The following NPIPB2 variants were observed in gnomAD, a reference collection of about 807,000 sequenced individuals.
NPIPB2 encodes the protein nuclear pore complex interacting protein family member B2, also known as nuclear pore complex-interacting protein family member B2.
A neutral mutation model predicts 30.8 loss-of-function variants in NPIPB2; 27 were observed. The ratio of observed to expected loss-of-function variants is 0.88; its 90% CI spans 0.65 to 1.21. The LOEUF (loss-of-function observed/expected upper bound fraction) is 1.21. NPIPB2 is among the 50% of genes most tolerant of loss of function. NPIPB2 has a pLI of 0.00. For missense variants in NPIPB2, 440 were observed against 446.2 expected (o/e 0.99, Z 0.13); for synonymous variants, 147 against 162.0 (o/e 0.91, Z 0.70).
chr16:11,975,888 C>T (rs1197702903), intron 1 of NPIPB2, among the ~76,000 whole-genome samples: 2 of 151,968 alleles, frequency 1.3e-5, no homozygotes, highest in Non-Finnish European at 2.9e-5. Context: ...GTCACCGCGT[C>T]CGGCCTAGGA....
At chr16:11,958,252 C>T (rs1392111914) in intron 1 of NPIPB2, among the ~76,000 whole-genome samples, 1 of 151,762 alleles carries the variant, frequency 6.6e-6, no homozygotes, top group Non-Finnish European at 1.5e-5. Flanking sequence ...ATAGCAAAAC[C>T]TCACCTCTAC....
chr16:11,942,960 T>C (rs2054958895), upstream of NPIPB2, among the ~76,000 whole-genome samples: 1 of 151,824 alleles, frequency 6.6e-6, no homozygotes, highest in Non-Finnish European at 1.5e-5. Context: ...ATTCTATTGA[T>C]GCTACAAATG....
upstream of NPIPB2, among the ~76,000 whole-genome samples, chr16:11,943,081 G>T (rs1432659165): frequency 6.6e-6 from 1 of 152,216 alleles, no homozygotes; most frequent in East Asian, 1.9e-4. Context: ...CAGCACTTTG[G>T]GAGGCCGAGG....
intron 1 of NPIPB2, among the ~76,000 whole-genome samples, chr16:11,954,614 A>C (rs2055094874): frequency 6.6e-6 from 1 of 152,222 alleles, no homozygotes; most frequent in Non-Finnish European, 1.5e-5. Context: ...TATTTAAAAT[A>C]ACTTTTTGCT....
At chr16:11,941,780 C>T (rs1190084295) in intron 1 of NPIPB2, 2 of 1,138,216 alleles carry the variant, frequency 1.8e-6, no homozygotes, top group Non-Finnish European at 1.3e-6. Context: ...GACCCCTCCC[C>T]CATCTCAGTC....
At position 11,933,392 on chromosome 16, in the gene NPIPB2, A is replaced by G. The variant is rs1324829695; in HGVS notation, c.488+125T>C. The G allele has an allele frequency of 7.1e-6, 10 of 1,416,068 alleles. No homozygotes were observed. The Admixed American group carries it at 1.7e-4, about 24-fold the overall frequency. 87.7% of individuals were successfully genotyped at this position (1,416,068 alleles called of 1,614,324 possible). On this transcript the variant is annotated intron_variant, in intron 4 of 7. Coordinates refer to ENST00000399147, the Ensembl canonical transcript of NPIPB2. ...TAAACTAATGAAGCAGAAAGGACAA[A>G]CTCAATTTTGAACCCACTGAATTTG... is the stretch of plus-strand genomic sequence containing the variant.
upstream of NPIPB2, among the ~76,000 whole-genome samples, chr16:11,946,022 C>CA (rs200825715): frequency 0.21 from 14,623 of 70,100 alleles, 931 homozygotes; most frequent in Admixed American, 0.31. Context: ...GTGGCTTCTA[C>CA]AAAAAAAAAA....
rs1475045997 is a variant in NPIPB2, at chr16:11,933,511, T to C, written c.488+6A>G. 2.5e-6 allele frequency: 4 copies of C among 1,596,806 alleles called. No individual in the cohort carries two copies. Among genetic ancestry groups the C allele is most frequent in the African/African-American group, 1.3e-5 (1 of 74,846 alleles). On this transcript the variant is annotated splice_donor_region_variant and intron_variant, in intron 4 of 7. Coordinates refer to ENST00000399147, the Ensembl canonical transcript of NPIPB2. ...ACAACAATATTTGTGTCAAGGCACA[T>C]CTTACTGTTTTTTGGCGGTCTTCCT...
exon 1 of NPIPB2, chr16:11,976,628 A>G: frequency 2.6e-6 from 1 of 384,468 alleles, no homozygotes; most frequent in Non-Finnish European, 4.5e-6. Flanking sequence ...GGCGACTTGG[A>G]TCTGCGCCGC....
intron 1 of NPIPB2, among the ~76,000 whole-genome samples, chr16:11,958,271 C>A (rs1391964560): frequency 1.3e-5 from 2 of 151,270 alleles, no homozygotes; most frequent in African/African-American, 4.8e-5. Flanking sequence ...ACTAAAAATA[C>A]AAAATTAAGC....
intron 1 of NPIPB2, among the ~76,000 whole-genome samples, chr16:11,937,925 T>C (rs1398620954): frequency 6.6e-6 from 1 of 152,122 alleles, no homozygotes; most frequent in East Asian, 1.9e-4. Flanking sequence ...TCCAATCTTT[T>C]GACTTCCCTG....
intron 1 of NPIPB2, among the ~76,000 whole-genome samples, chr16:11,958,382 C>T (rs1439189273): frequency 6.6e-6 from 1 of 151,048 alleles, no homozygotes; most frequent in East Asian, 1.9e-4. Flanking sequence ...GAGCCCAGAT[C>T]ACGCCACTAC....
At chr16:11,942,162 G>C (rs2150919743), upstream of NPIPB2, 1 of 1,476,772 alleles carries the variant, frequency 6.8e-7, no homozygotes, top group East Asian at 2.5e-5. Context: ...AGCATGCATG[G>C]TACATTTACA....
At chr16:11,961,518 G>A (rs918106118) in intron 1 of NPIPB2, among the ~76,000 whole-genome samples, 1 of 152,070 alleles carries the variant, frequency 6.6e-6, no homozygotes, top group African/African-American at 2.4e-5. Flanking sequence ...AGTGGCTCAC[G>A]CCTATAATCC....
chr16:11,942,189 AT>A (rs1596495726), upstream of NPIPB2: 2 of 1,109,232 alleles, frequency 1.8e-6, no homozygotes, highest in East Asian at 5.1e-5. Flanking sequence ...AACCTGACTT[AT>A]TTTGTTCCAG....
intron 1 of NPIPB2, among the ~76,000 whole-genome samples, chr16:11,969,890 G>T (rs1473072850): frequency 6.6e-6 from 1 of 151,968 alleles, no homozygotes; most frequent in Non-Finnish European, 1.5e-5. Context: ...ACGGGGTCTT[G>T]CTCTGTTGCC....
intron 1 of NPIPB2, among the ~76,000 whole-genome samples, chr16:11,948,363 C>T (rs1019436748): frequency 1.3e-5 from 2 of 152,074 alleles, no homozygotes; most frequent in African/African-American, 2.4e-5. Context: ...GAGGAAAGCA[C>T]GCTCAACACC....
intron 1 of NPIPB2, among the ~76,000 whole-genome samples, chr16:11,958,006 G>A (rs1483544986): frequency 6.6e-6 from 1 of 152,142 alleles, no homozygotes; most frequent in Non-Finnish European, 1.5e-5. Flanking sequence ...CATCAGCTAA[G>A]CCGTGTTTTT....
intron 1 of NPIPB2, among the ~76,000 whole-genome samples, chr16:11,957,824 C>A (rs1482197806): frequency 6.6e-6 from 1 of 152,198 alleles, no homozygotes; most frequent in Non-Finnish European, 1.5e-5. Flanking sequence ...TTTCAGTCTG[C>A]TGGCCTGCCC....
Sources: allele counts gnomAD v4.1 joint callset (sites outside exome capture counted in the v4.1 genomes callset), GRCh38; gene constraint gnomAD v4.1.1; transcripts MANE v1.5; gene names NCBI Gene and HGNC (gene_info 2026-07-23, HGNC 2026-07-21).